The following CROCC2 variants were observed in gnomAD, a reference collection of about 807,000 sequenced individuals.
The protein encoded by CROCC2 is ciliary rootlet coiled-coil, rootletin family member 2.
Under a neutral mutation model 177.6 loss-of-function variants are expected in CROCC2, and 163 were observed. The ratio of observed to expected loss-of-function variants is 0.92; its 90% CI spans 0.81 to 1.05. The LOEUF is 1.05. Among genes scored for constraint, CROCC2 ranks in the 50% least tolerant of loss-of-function variants. The pLI, the probability that CROCC2 is intolerant of heterozygous loss-of-function variation, is 0.00. For missense variants in CROCC2, 1,929 were observed against 1,797.8 expected (o/e 1.07, Z -1.32); for synonymous variants, 904 against 787.3 (o/e 1.15, Z -2.48).
rs769660888 is a variant in CROCC2, at chr2:240,949,677, C to G, written c.2627C>G (p.Ala876Gly). Residue 876 changes from alanine (A) to glycine (G), a missense_variant, in exon 17 of 32, where the codon GCC becomes GGC. This residue lies in a region of CROCC2 where 1,397 missense variants were observed against 1,239.9 expected (regional missense o/e 1.13). Transcript: ENST00000690015. The surrounding 1 kb of genome is among the most constrained non-coding windows in gnomAD (Gnocchi z 4.5). ...AGCCAGGCGTTGGCCCACCGAGAGG[C>G]CCTGGCACAGCTCCAAAGGGAGAAG... ...LESQALAHRE[A>G]LAQLQREKET... 178 of 1,548,354 alleles carry G rather than the reference C, an allele frequency of 1.1e-4. No homozygotes were observed. Among genetic ancestry groups the G allele is most frequent in the Admixed American group, 2.2e-4 (11 of 50,906 alleles).
intron 27 of CROCC2, chr2:240,981,560 A>G (rs1201087738): frequency 6.6e-6 from 1 of 152,202 alleles, no homozygotes; most frequent in Admixed American, 6.5e-5. Flanking sequence ...GAGTCATTAC[A>G]AGAGGTTTGG....
chr2:240,935,847 T>A (rs2059466348), intron 14 of CROCC2, among the ~76,000 whole-genome samples: 1 of 152,264 alleles, frequency 6.6e-6, no homozygotes, highest in African/African-American at 2.4e-5. Flanking sequence ...CTCAGGCCAG[T>A]GACTTCTGCA....
At chr2:240,981,695 T>G (rs7577024) in intron 27 of CROCC2, 110,738 of 152,044 alleles carry the variant, frequency 0.73, 41,348 homozygotes, top group East Asian at 0.92. Flanking sequence ...ATCACAGTCT[T>G]AGGTACAAGC....
At chr2:240,979,372 C>G (rs2106488216) in intron 27 of CROCC2, among the ~76,000 whole-genome samples, 1 of 9,928 alleles carries the variant, frequency 1.0e-4, no homozygotes, top group South Asian at 7.6e-3. Flanking sequence ...CTCAGGATCC[C>G]AGGCTCATCC....
intron 18 of CROCC2, among the ~76,000 whole-genome samples, chr2:240,951,742 A>G (rs1217697899): frequency 6.6e-6 from 1 of 151,986 alleles, no homozygotes; most frequent in African/African-American, 2.4e-5. Flanking sequence ...GTCAAGTCAC[A>G]TATCCAACCA....
In CROCC2 at chr2:240,931,030, C is replaced by T. The variant is rs1173819663; in HGVS notation, c.849C>T (p.Ser283=). 3 of 716,646 alleles carry T rather than the reference C, an allele frequency of 4.2e-6. No homozygotes were observed. Among genetic ancestry groups the T allele is most frequent in the East Asian group, 2.7e-5 (1 of 37,290 alleles). 44.4% of individuals were successfully genotyped at this position (716,646 alleles called of 1,614,324 possible). A position where few individuals can be genotyped will look rare whatever the true frequency, so the allele number is the denominator to read the frequency against. ...LDSNLRLSAS[S]TASTLGQQLR... Reference sequence around the variant, plus strand: ...CCAACCTGCGGCTGTCGGCCAGCAGCACGGCCAGCACCCTGGGGCAGCAGC... The same window carrying T: ...CCAACCTGCGGCTGTCGGCCAGCAGTACGGCCAGCACCCTGGGGCAGCAGC... The change falls in exon 7 of 32, where the codon AGC becomes AGT. Residue 283 remains serine, a synonymous_variant. Coordinates refer to ENST00000690015, the MANE Select transcript of CROCC2 (RefSeq NM_001351305.2).
In CROCC2 at chr2:240,933,754, C is replaced by T. The variant is rs753076677; in HGVS notation, c.1548C>T (p.Ala516=). The change falls in exon 11 of 32, where the codon GCC becomes GCT. Residue 516 remains alanine (A), a synonymous_variant. Transcript: ENST00000690015. ...AADAEKQGLE[A]EAAELQRSLL... is the part of the protein sequence containing the mutation. ...ATGCGGAGAAGCAGGGGCTGGAGGC[C>T]GAGGCTGCAGAGCTGCAGAGAAGCC... The T allele has an allele frequency of 2.1e-5, 32 of 1,549,754 alleles. No individual in the cohort carries two copies. Among genetic ancestry groups the T allele is most frequent in the Non-Finnish European group, 2.5e-5 (29 of 1,146,842 alleles).
intron 12 of CROCC2, 134 bp from the exon 13 acceptor site, chr2:240,934,782 G>C: frequency 2.0e-6 from 2 of 1,016,494 alleles, no homozygotes; most frequent in Non-Finnish European, 2.7e-6. Context: ...CCACTGTGGC[G>C]ACCTTCCCAC....
intron 14 of CROCC2, among the ~76,000 whole-genome samples, chr2:240,943,694 G>T (rs1480988364): frequency 6.6e-6 from 1 of 151,976 alleles, no homozygotes; most frequent in Non-Finnish European, 1.5e-5. Context: ...TGGCCAGGTT[G>T]GTCTCGAACT....
At chr2:240,990,661 C>T (rs2059872048) in intron 30 of CROCC2, among the ~76,000 whole-genome samples, 1 of 152,238 alleles carries the variant, frequency 6.6e-6, no homozygotes, top group African/African-American at 2.4e-5. Context: ...CGGCTCACTG[C>T]AACCTCCACC....
intron 26 of CROCC2, among the ~76,000 whole-genome samples, chr2:240,967,917 T>C (rs1244061260): frequency 1.3e-5 from 2 of 151,604 alleles, no homozygotes; most frequent in Non-Finnish European, 2.9e-5. Context: ...CGAGTTTCTC[T>C]GCTTATTGCC....
chr2:240,946,666 C>T (rs188751902), intron 15 of CROCC2, among the ~76,000 whole-genome samples: 46 of 152,330 alleles, frequency 3.0e-4, no homozygotes, highest in Admixed American at 2.7e-3. Context: ...ATCTTTTTCC[C>T]AGGCAGGCTT....
chr2:240,962,157 CT>C (rs1465730274), intron 20 of CROCC2, among the ~76,000 whole-genome samples: 1 of 152,160 alleles, frequency 6.6e-6, no homozygotes, highest in East Asian at 1.9e-4. Flanking sequence ...CTGGAGCTGC[CT>C]CCCTGTAGGA....
intron 28 of CROCC2, chr2:240,983,489 C>T: frequency 2.4e-6 from 3 of 1,241,796 alleles, no homozygotes; most frequent in Non-Finnish European, 3.1e-6. Flanking sequence ...GGCGGAGAGG[C>T]GCGTCCTGCA....
rs2059539087 is a variant in CROCC2, at chr2:240,949,118, CA to C, written c.2482+22del. The stretch of plus-strand genomic sequence containing the variant: ...GCAAGGTGCTCCAAGGGCGCTCCCT[CA>C]GCTCCTTCCCCGAAAGTCAGCCATG... On this transcript the variant is annotated intron_variant, in intron 16 of 31. Transcript: ENST00000690015. This position sits in a 1 kb window ranked among gnomAD's most constrained non-coding sequence, Gnocchi z 4.5. The C allele has an allele frequency of 7.3e-6, 11 of 1,506,274 alleles. No individual in the cohort carries two copies. In the East Asian group the frequency reaches 2.7e-4, roughly 37 times the overall value. The allele number at this position is 1,506,274 out of a possible 1,614,324, so 93.3% of individuals were successfully genotyped here.
chr2:240,915,729 C>G (rs1263581850), intron 1 of CROCC2, among the ~76,000 whole-genome samples: 7 of 152,176 alleles, frequency 4.6e-5, no homozygotes, highest in Non-Finnish European at 8.8e-5. Context: ...GGGCCACCCC[C>G]CTCAGGGCCA....
At chr2:240,965,030 G>A (rs2059670440) in intron 22 of CROCC2, among the ~76,000 whole-genome samples, 1 of 152,322 alleles carries the variant, frequency 6.6e-6, no homozygotes, top group African/African-American at 2.4e-5. Context: ...GGCAAGCCGG[G>A]TCCCCCCAAG....
chr2:240,967,836 C>T lies in CROCC2; in HGVS notation c.4268-293C>T, dbSNP rs965625231. ...CCCCAGACAGCCACACGGCTCTCCCCGGGCAGGCCCTGCCCCTCGTCACCC... is the reference window on the plus strand; with the variant it reads ...CCCCAGACAGCCACACGGCTCTCCCTGGGCAGGCCCTGCCCCTCGTCACCC... On this transcript the variant is annotated intron_variant, in intron 26 of 31. Coordinates refer to ENST00000690015, the MANE Select transcript of CROCC2 (RefSeq NM_001351305.2). Among the ~76,000 whole-genome samples, 8 of 152,170 alleles carry T rather than the reference C, an allele frequency of 5.3e-5. No homozygotes were observed. The South Asian group carries it at 8.3e-4, about 16-fold the overall frequency.
chr2:240,934,934 G>A lies in CROCC2; in HGVS notation c.1810G>A (p.Asp604Asn). ...ALARAECSNADLELLVRRLKS... is the reference protein window; with the variant it reads ...ALARAECSNANLELLVRRLKS... ...GCCCCAGGCCGAGTGCAGCAATGCG[G>A]ACCTGGAGCTTCTTGTGAGGCGGCT... The change falls in exon 13 of 32, where the codon GAC becomes AAC. Residue 604 changes from aspartate to asparagine, a missense_variant. Coordinates refer to ENST00000690015, the MANE Select transcript of CROCC2 (RefSeq NM_001351305.2). 1 of 1,521,806 alleles carries A rather than the reference G, an allele frequency of 6.6e-7. No individual in the cohort carries two copies. Among genetic ancestry groups the A allele is most frequent in the Non-Finnish European group, 8.8e-7 (1 of 1,134,444 alleles). The allele number at this position is 1,521,806 out of a possible 1,614,324, so 94.3% of individuals were successfully genotyped here. A position where few individuals can be genotyped will look rare whatever the true frequency, so the allele number is the denominator to read the frequency against.
Sources: gnomAD v4.1 joint callset for allele counts (sites outside exome capture counted in the v4.1 genomes callset) on GRCh38, gnomAD v4.1.1 for gene constraint, gnomAD v4.1.1 regional missense constraint, Gnocchi (gnomAD v3.1) non-coding constraint, MANE v1.5 for transcripts, NCBI Gene and HGNC (gene_info 2026-07-23, HGNC 2026-07-21) for gene names.